PCDHGB3: variants seen among roughly 807,000 people sequenced by gnomAD.
PCDHGB3 encodes protocadherin gamma subfamily B, 3.
A neutral mutation model predicts 59.2 loss-of-function variants in PCDHGB3; 40 were observed. That is an observed-to-expected ratio of 0.68 (90% CI 0.52 to 0.88). The LOEUF (loss-of-function observed/expected upper bound fraction) is 0.88, where lower values mean the gene tolerates loss of function less well. PCDHGB3 is among the 40% of genes least tolerant of loss of function. The pLI is 0.00. For synonymous variants in PCDHGB3, 581 were observed against 503.6 expected, an observed-to-expected ratio of 1.15 and a Z score of -2.06; for missense variants, 1,309 against 1,187.9, an observed-to-expected ratio of 1.10 and a Z score of -1.50.
chr5:141,372,340 G>A lies in PCDHGB3; in HGVS notation c.1946G>A (p.Gly649Glu), dbSNP rs754973851. 4 of 1,613,790 alleles carry A rather than the reference G, an allele frequency of 2.5e-6. No individual in the cohort carries two copies. In the South Asian group the frequency reaches 4.4e-5, roughly 18 times the overall value. Residue 649 changes from glycine to glutamate, a missense_variant, in exon 1 of 4, where the codon GGA becomes GAA. Transcript: ENST00000576222. ...RQRLLVTVRD[G>E]GQQPLSATVM... ...CGCCTGCTGGTCACTGTGCGTGATG[G>A]AGGACAGCAGCCTCTTTCAGCCACC...
intron 1 of PCDHGB3, chr5:141,408,147 A>G (rs1357143790): frequency 6.7e-7 from 1 of 1,503,488 alleles, no homozygotes; most frequent in Non-Finnish European, 8.9e-7. Context: ...TTAGCGCGGT[A>G]GAGTGCACTT....
chr5:141,410,215 A>G (rs2095369286), intron 1 of PCDHGB3: 11 of 1,613,894 alleles, frequency 6.8e-6, no homozygotes, highest in Non-Finnish European at 8.5e-6. Flanking sequence ...TGCAAGAGAT[A>G]CTGCCAGACC....
At chr5:141,423,089 G>A in intron 1 of PCDHGB3, 1 of 1,614,016 alleles carries the variant, frequency 6.2e-7, no homozygotes, top group Non-Finnish European at 8.5e-7. Flanking sequence ...TTCGCGGTGG[G>A]GGAGCACACG....
intron 1 of PCDHGB3, chr5:141,419,822 T>A: frequency 6.2e-7 from 1 of 1,614,058 alleles, no homozygotes; most frequent in Non-Finnish European, 8.5e-7. Flanking sequence ...GCCACCCCTT[T>A]CAGCCACTGC....
At position 141,389,870 on chromosome 5, in the gene PCDHGB3, C is replaced by T. The variant is rs1395147259; in HGVS notation, c.2415+17061C>T. On this transcript the variant is annotated intron_variant, in intron 1 of 3. Transcript: ENST00000576222. ...CCACTGCCACGTTGCACCTGGTCTT[C>T]GCCGACAGCTTGCAGGAGGTGCTGC... is the stretch of plus-strand genomic sequence containing the variant. The T allele has an allele frequency of 2.5e-6, 4 of 1,613,960 alleles. No individual in the cohort carries two copies. The South Asian group carries it at 3.3e-5, about 13-fold the overall frequency.
At chr5:141,395,109 A>G (rs1181706209) in intron 1 of PCDHGB3, 1 of 1,614,092 alleles carries the variant, frequency 6.2e-7, no homozygotes, top group Admixed American at 1.7e-5. Context: ...CTCGCGGAAG[A>G]GTCACCTGAT....
intron 1 of PCDHGB3, among the ~76,000 whole-genome samples, chr5:141,407,392 A>G (rs1427023659): frequency 6.6e-6 from 1 of 152,226 alleles, no homozygotes; most frequent in Non-Finnish European, 1.5e-5. Flanking sequence ...ATGTCATGGT[A>G]GGTAGTTACT....
At chr5:141,488,478 A>T (rs1251914951) in intron 1 of PCDHGB3, among the ~76,000 whole-genome samples, 5 of 152,072 alleles carry the variant, frequency 3.3e-5, no homozygotes, top group African/African-American at 4.8e-5. Flanking sequence ...ATGTTCCCCT[A>T]CCCAAAAACT....
intron 1 of PCDHGB3, chr5:141,404,496 A>G (rs773471878): frequency 2.7e-5 from 43 of 1,613,778 alleles, no homozygotes; most frequent in East Asian, 2.2e-5. Context: ...GGTGTGCTGT[A>G]TGCTCTGTGC....
At chr5:141,468,995 T>G (rs533843461) in intron 1 of PCDHGB3, among the ~76,000 whole-genome samples, 1 of 147,628 alleles carries the variant, frequency 6.8e-6, no homozygotes, top group Non-Finnish European at 1.5e-5. Context: ...TTATTGTTTT[T>G]GCTGGGTGCG....
chr5:141,491,861 C>A lies in PCDHGB3; in HGVS notation c.2416-2946C>A. ...GGATCATTGGACCGTTTGCGCGAAA[C>A]CAGAGTGGCCGATTAAGGGATGGGG... On this transcript the variant is annotated intron_variant, in intron 1 of 3. Transcript: ENST00000576222. The surrounding 1 kb of genome is among the most constrained non-coding windows in gnomAD (Gnocchi z 6.9). 6.9e-7 allele frequency: 1 copy of A among 1,455,272 alleles called. No homozygotes were observed. The highest frequency in any genetic ancestry group is 9.1e-7 in the Non-Finnish European group (1 of 1,100,930). The allele number at this position is 1,455,272 out of a possible 1,614,324, so 90.1% of individuals were successfully genotyped here.
intron 1 of PCDHGB3, chr5:141,375,811 G>T: frequency 6.2e-7 from 1 of 1,614,224 alleles, no homozygotes; most frequent in South Asian, 1.1e-5. Context: ...CTGGCGTGGA[G>T]CTGGCGCCCC....
chr5:141,388,577 A>G, intron 1 of PCDHGB3: 1 of 1,613,868 alleles, frequency 6.2e-7, no homozygotes, highest in East Asian at 2.2e-5. Context: ...TACACGTTCT[A>G]GTGACTGATG....
At chr5:141,405,251 C>T (rs1462013657) in intron 1 of PCDHGB3, 1 of 1,614,124 alleles carries the variant, frequency 6.2e-7, no homozygotes, top group Admixed American at 1.7e-5. Context: ...AAGGAAGAGT[C>T]ACCTGATCTT....
chr5:141,468,039 A>G (rs1007212946), intron 1 of PCDHGB3, among the ~76,000 whole-genome samples: 21 of 152,262 alleles, frequency 1.4e-4, no homozygotes, highest in African/African-American at 5.1e-4. Context: ...CATTTAGAAA[A>G]CTAAGCCGGG....
At chr5:141,422,005 A>T in intron 1 of PCDHGB3, 1 of 1,609,814 alleles carries the variant, frequency 6.2e-7, no homozygotes, top group East Asian at 2.2e-5. Flanking sequence ...CAGCTCCGGA[A>T]CTCGGGTGCT....
At chr5:141,394,681 C>G in intron 1 of PCDHGB3, 2 of 1,612,998 alleles carry the variant, frequency 1.2e-6, no homozygotes, top group Non-Finnish European at 1.7e-6. Context: ...GGTCTGCACA[C>G]GGGCGAGGTG....
At chr5:141,384,518 C>T (rs1479729851) in intron 1 of PCDHGB3, 7 of 1,614,192 alleles carry the variant, frequency 4.3e-6, no homozygotes, top group East Asian at 4.5e-5. Flanking sequence ...AGCGGGGACC[C>T]GCCTCTCAGC....
chr5:141,417,942 C>A (rs1324501154), intron 1 of PCDHGB3: 19 of 1,613,208 alleles, frequency 1.2e-5, no homozygotes, highest in Non-Finnish European at 1.5e-5. Flanking sequence ...TTCTACCCCA[C>A]GCTGTGTGAG....
Sources: allele counts gnomAD v4.1 joint callset (sites outside exome capture counted in the v4.1 genomes callset), GRCh38; gene constraint gnomAD v4.1.1; non-coding constraint Gnocchi (gnomAD v3.1); transcripts MANE v1.5; gene names NCBI Gene and HGNC (gene_info 2026-07-23, HGNC 2026-07-21).